Variants in TRIO observed in about 807,000 individuals in gnomAD.
TRIO encodes the protein triple functional domain protein.
A neutral mutation model predicts 351.9 loss-of-function variants in TRIO; 58 were observed. The ratio of observed to expected loss-of-function variants is 0.16; its 90% CI spans 0.13 to 0.21. The LOEUF is 0.21. TRIO is among the 10% of genes least tolerant of loss of function. TRIO has a pLI of 1.00. For synonymous variants in TRIO, 1,758 were observed against 1,595.7 expected (o/e 1.10, Z -2.42); for missense variants, 3,201 against 4,027.8 (o/e 0.79, Z 5.56).
In TRIO at chr5:14,508,337, T is replaced by A; in HGVS notation, c.9209T>A (p.Ile3070Asn). ...VLDTSRLTSFIERRKHQNDVR... is the reference protein window; with the variant it reads ...VLDTSRLTSFNERRKHQNDVR... The stretch of plus-strand genomic sequence containing the variant: ...GACACGTCCAGACTGACTTCCTTCA[T>A]TGAGCGGCGCAAACACCAGAATGAT... The change falls in exon 57 of 57, where the codon ATT (isoleucine) becomes AAT (asparagine). Residue 3070 changes from isoleucine to asparagine, a missense_variant. Physicochemically the swap from Ile to Asn is moderately radical, Grantham distance 149. Coordinates refer to ENST00000344204, the MANE Select transcript of TRIO (RefSeq NM_007118.4). The A allele has an allele frequency of 6.2e-7, 1 of 1,614,064 alleles. No individual in the cohort carries two copies. Among genetic ancestry groups the A allele is most frequent in the Non-Finnish European group, 8.5e-7 (1 of 1,180,046 alleles).
chr5:14,367,616 G>A (rs1483382600), intron 16 of TRIO, among the ~76,000 whole-genome samples: 2 of 152,116 alleles, frequency 1.3e-5, no homozygotes, highest in Non-Finnish European at 2.9e-5. Flanking sequence ...TTTATTTTTT[G>A]GTATGGGTAG....
At chr5:14,181,259 C>A (rs2152137700) in intron 1 of TRIO, among the ~76,000 whole-genome samples, 1 of 152,208 alleles carries the variant, frequency 6.6e-6, no homozygotes, top group South Asian at 2.1e-4. Context: ...ATTAGAGAAC[C>A]ATGAAAAGGA....
intron 1 of TRIO, among the ~76,000 whole-genome samples, chr5:14,215,656 A>T (rs1316923826): frequency 6.6e-6 from 1 of 152,214 alleles, no homozygotes. Context: ...ATTCCACGAA[A>T]TGTGAGATCT....
At chr5:14,315,316 G>A (rs1268355954) in intron 8 of TRIO, among the ~76,000 whole-genome samples, 3 of 148,652 alleles carry the variant, frequency 2.0e-5, no homozygotes, top group Non-Finnish European at 3.0e-5. Context: ...AGTGGCACAC[G>A]ATCTCGGCTC....
At chr5:14,222,590 G>C (rs1792712896) in intron 1 of TRIO, among the ~76,000 whole-genome samples, 1 of 152,202 alleles carries the variant, frequency 6.6e-6, no homozygotes, top group Non-Finnish European at 1.5e-5. Flanking sequence ...GTAAAATGCA[G>C]CCCCTTCCAG....
intron 1 of TRIO, among the ~76,000 whole-genome samples, chr5:14,252,936 C>G (rs1794825499): frequency 6.6e-6 from 1 of 152,198 alleles, no homozygotes; most frequent in Non-Finnish European, 1.5e-5. Flanking sequence ...TCCTGGACTG[C>G]AGTACCGCCA....
chr5:14,205,912 A>G (rs1285167747), intron 1 of TRIO, among the ~76,000 whole-genome samples: 1 of 151,952 alleles, frequency 6.6e-6, no homozygotes, highest in African/African-American at 2.4e-5. Flanking sequence ...TTTGTATTTT[A>G]GTAGAGAAGG....
chr5:14,386,029 G>A (rs1003949921), intron 21 of TRIO, among the ~76,000 whole-genome samples: 1 of 152,206 alleles, frequency 6.6e-6, no homozygotes, highest in Non-Finnish European at 1.5e-5. Flanking sequence ...CGTTCTCACA[G>A]GAGAAGGACA....
At chr5:14,242,495 C>T (rs867280340) in intron 1 of TRIO, among the ~76,000 whole-genome samples, 2 of 152,164 alleles carry the variant, frequency 1.3e-5, no homozygotes, top group South Asian at 4.1e-4. Flanking sequence ...ATAGTGTTGC[C>T]TACCAGGCAT....
chr5:14,453,731 G>C (rs908335054), intron 34 of TRIO, among the ~76,000 whole-genome samples: 12 of 152,276 alleles, frequency 7.9e-5, no homozygotes, highest in African/African-American at 2.6e-4. Flanking sequence ...TCTGGGCCTT[G>C]GATCAGCGGG....
Position 14,498,181 on chromosome 5 carries a change from G to T in TRIO, c.8140G>T (p.Ala2714Ser). The change falls in exon 52 of 57, where the codon GCC becomes TCC. Residue 2714 changes from alanine (A) to serine (S), a missense_variant. Coordinates refer to ENST00000344204, the MANE Select transcript of TRIO (RefSeq NM_007118.4). ...LRCRVCGRPK[A>S]SITWKGPEHN... Reference sequence around the variant, plus strand: ...ATGTCGAGTCTGTGGCCGCCCCAAAGCCTCAATTACCTGGAAGGGCCCTGA... The same window carrying T: ...ATGTCGAGTCTGTGGCCGCCCCAAATCCTCAATTACCTGGAAGGGCCCTGA... 6.2e-7 allele frequency: 1 copy of T among 1,614,178 alleles called. No homozygotes were observed. The highest frequency in any genetic ancestry group is 1.1e-5 in the South Asian group (1 of 91,088).
At position 14,355,500 on chromosome 5, in the gene TRIO, A is replaced by G. The variant is rs144734866; in HGVS notation, c.2047-2678A>G. Among the ~76,000 whole-genome samples the G allele has an allele frequency of 2.4e-3, 368 of 152,344 alleles. 1 individual carries two copies. Among genetic ancestry groups the G allele is most frequent in the African/African-American group, 8.6e-3 (357 of 41,588 alleles). ...TTTTAGCAAACTGAGTCTCTGAGAA[A>G]TTTAAGTGATCTTTTAGGTCACACA... On this transcript the variant is annotated intron_variant, in intron 11 of 56. Coordinates refer to ENST00000344204, the MANE Select transcript of TRIO (RefSeq NM_007118.4).
At chr5:14,473,017 A>G (rs1314541611) in intron 39 of TRIO, among the ~76,000 whole-genome samples, 1 of 152,202 alleles carries the variant, frequency 6.6e-6, no homozygotes, top group Non-Finnish European at 1.5e-5. Context: ...TGAAGACCTT[A>G]CTGGTTGAAA....
chr5:14,490,839 A>G (rs1332061514), intron 48 of TRIO: 3 of 455,978 alleles, frequency 6.6e-6, no homozygotes, highest in South Asian at 1.5e-5. Context: ...TTGTTTACAT[A>G]TTCTTGGAAA....
chr5:14,421,298 A>G (rs1167078364), intron 34 of TRIO, among the ~76,000 whole-genome samples: 1 of 132,428 alleles, frequency 7.6e-6, no homozygotes, highest in Non-Finnish European at 1.6e-5. Context: ...CCTGTAATGC[A>G]AGGAAACTCA....
chr5:14,365,676 T>G (rs1744534282), intron 15 of TRIO, among the ~76,000 whole-genome samples: 3 of 152,260 alleles, frequency 2.0e-5, no homozygotes, highest in African/African-American at 7.2e-5. Context: ...AGGATTCACC[T>G]TTGCCTAAAA....
chr5:14,287,780 A>G (rs1207597839), intron 4 of TRIO, among the ~76,000 whole-genome samples: 2 of 152,214 alleles, frequency 1.3e-5, no homozygotes, highest in Non-Finnish European at 2.9e-5. Flanking sequence ...TCCATTTGGA[A>G]TAAGATTTTA....
At chr5:14,289,550 C>T (rs552493867) in intron 4 of TRIO, among the ~76,000 whole-genome samples, 17 of 151,256 alleles carry the variant, frequency 1.1e-4, no homozygotes, top group Non-Finnish European at 1.9e-4. Context: ...CCTTTTTTTC[C>T]TTTTTTAAAA....
At chr5:14,445,872 T>G (rs896967559) in intron 34 of TRIO, among the ~76,000 whole-genome samples, 7 of 152,312 alleles carry the variant, frequency 4.6e-5, no homozygotes, top group Admixed American at 3.3e-4. Flanking sequence ...TGGAATGTTT[T>G]TCCCTTTGTC....
Sources: allele counts gnomAD v4.1 joint callset (sites outside exome capture counted in the v4.1 genomes callset), GRCh38; gene constraint gnomAD v4.1.1; transcripts MANE v1.5; gene names NCBI Gene and HGNC (gene_info 2026-07-23, HGNC 2026-07-21).